Variants in SOX5 observed in about 807,000 individuals in gnomAD.
SOX5 encodes transcription factor SOX-5.
Under a neutral mutation model 92.0 loss-of-function variants are expected in SOX5, and 9 were observed. The ratio of observed to expected loss-of-function variants is 0.10; its 90% confidence interval spans 0.06 to 0.17. The LOEUF is 0.17. Ranked by LOEUF, SOX5 falls within the 10% of genes least tolerant of loss-of-function variation. The pLI is 1.00. For missense variants in SOX5, 642 were observed against 944.5 expected, an observed-to-expected ratio of 0.68 and a Z score of 4.20; for synonymous variants, 344 against 336.3, an observed-to-expected ratio of 1.02 and a Z score of -0.25.
At chr12:23,689,653 C>G (rs910492334) in intron 6 of SOX5, among the ~76,000 whole-genome samples, 1 of 152,090 alleles carries the variant, frequency 6.6e-6, no homozygotes, top group African/African-American at 2.4e-5. Context: ...CCCAAAAATA[C>G]ATGCCATATA....
At chr12:23,642,757 G>A (rs1250104660) in intron 7 of SOX5, among the ~76,000 whole-genome samples, 2 of 152,206 alleles carry the variant, frequency 1.3e-5, no homozygotes, top group Admixed American at 6.5e-5. Context: ...GTTGAGAGCT[G>A]TAATCAACTA....
chr12:23,968,177 G>T (rs1205967860), intron 4 of SOX5, among the ~76,000 whole-genome samples: 1 of 152,192 alleles, frequency 6.6e-6, no homozygotes, highest in Non-Finnish European at 1.5e-5. Context: ...TCAAAGGGAT[G>T]TCTGCATTTG....
chr12:23,664,597 A>T (rs762399581), intron 7 of SOX5, among the ~76,000 whole-genome samples: 3 of 152,084 alleles, frequency 2.0e-5, no homozygotes, highest in Non-Finnish European at 4.4e-5. Flanking sequence ...CAAATGATGT[A>T]TTTTTTCCTA....
In SOX5 at chr12:23,837,274, T is replaced by TATTTATATTTATATTTATATAATATATAA. The variant is rs1568204195; in HGVS notation, c.481+8708_481+8709insTTATATATTATATAAATATAAATATAAAT. On this transcript the variant is annotated intron_variant, in intron 3 of 14. Transcript: ENST00000451604. ...ATTTATATTTATATAATATATAATATGTATTTATATTTATATTTATATAAT... is the reference window on the plus strand; with the variant it reads ...ATTTATATTTATATAATATATAATATATTTATATTTATATTTATATAATATATAAGTATTTATATTTATATTTATATAAT... Among the ~76,000 whole-genome samples, 24 of 52,796 alleles carry TATTTATATTTATATTTATATAATATATAA rather than the reference T, an allele frequency of 4.5e-4. 2 individuals are homozygous for TATTTATATTTATATTTATATAATATATAA. Among genetic ancestry groups the TATTTATATTTATATTTATATAATATATAA allele is most frequent in the African/African-American group, 1.3e-3 (24 of 18,044 alleles). The allele number at this position is 52,796 out of a possible 152,430, so 34.6% of individuals were successfully genotyped here. A position where few individuals can be genotyped will look rare whatever the true frequency, so the allele number is the denominator to read the frequency against.
intron 3 of SOX5, among the ~76,000 whole-genome samples, chr12:23,843,182 G>C (rs1459695532): frequency 2.0e-5 from 3 of 150,242 alleles, no homozygotes; most frequent in Non-Finnish European, 4.5e-5. Flanking sequence ...TGAAAAACAA[G>C]GACATTCTGA....
At chr12:24,333,236 T>G (rs572025894) in intron 2 of SOX5, among the ~76,000 whole-genome samples, 62 of 150,042 alleles carry the variant, frequency 4.1e-4, no homozygotes, top group Non-Finnish European at 6.5e-4. Flanking sequence ...CTGGACAAAC[T>G]TACCAGCAAA....
At chr12:23,640,337 G>A (rs976437907) in intron 8 of SOX5, among the ~76,000 whole-genome samples, 4 of 152,078 alleles carry the variant, frequency 2.6e-5, no homozygotes, top group Non-Finnish European at 4.4e-5. Context: ...AGCTTATTTG[G>A]TCTACTTTTC....
intron 4 of SOX5, among the ~76,000 whole-genome samples, chr12:23,999,592 G>C (rs1409037289): frequency 6.6e-6 from 1 of 151,918 alleles, no homozygotes. Context: ...TTATTTGTCA[G>C]TTATACCTCA....
At chr12:24,146,588 A>G (rs892834074) in intron 4 of SOX5, among the ~76,000 whole-genome samples, 4 of 152,126 alleles carry the variant, frequency 2.6e-5, no homozygotes, top group Non-Finnish European at 5.9e-5. Flanking sequence ...GAGAGCAAAC[A>G]AAAGACAATG....
At position 23,895,826 on chromosome 12, in the gene SOX5, G is replaced by A; in HGVS notation, c.237C>T (p.Gly79=). ...TGTGCTGAGAAGTGGGAGTCCTATGGCCACAAGTCTCTTGCGTCAGCAGAG... is the reference window on the plus strand; with the variant it reads ...TGTGCTGAGAAGTGGGAGTCCTATGACCACAAGTCTCTTGCGTCAGCAGAG... The part of the protein sequence containing the change: ...PVSLLTQETC[G]HRTPTSQHNT... Residue 79 remains glycine, a synonymous_variant, in exon 2 of 15, where the codon GGC becomes GGT. Coordinates refer to ENST00000451604, the MANE Select transcript of SOX5 (RefSeq NM_006940.6). 1.9e-6 allele frequency: 3 copies of A among 1,613,838 alleles called. No individual in the cohort carries two copies. The highest frequency in any genetic ancestry group is 2.5e-6 in the Non-Finnish European group (3 of 1,179,730).
intron 3 of SOX5, among the ~76,000 whole-genome samples, chr12:24,252,457 T>C (rs1003848463): frequency 2.0e-5 from 3 of 151,946 alleles, no homozygotes; most frequent in Non-Finnish European, 4.4e-5. Context: ...AGATTCGCTT[T>C]GGTGAATTAA....
At chr12:23,621,640 A>G (rs1039283823) in intron 8 of SOX5, among the ~76,000 whole-genome samples, 1 of 152,136 alleles carries the variant, frequency 6.6e-6, no homozygotes, top group Non-Finnish European at 1.5e-5. Context: ...TCAAAGTAAA[A>G]GAAGGTTGGA....
chr12:24,347,063 A>G (rs1042549848), intron 2 of SOX5, among the ~76,000 whole-genome samples: 1 of 152,248 alleles, frequency 6.6e-6, no homozygotes, highest in Non-Finnish European at 1.5e-5. Context: ...GATGTTTGAT[A>G]AATACAGTCA....
chr12:23,677,555 G>A (rs1273944768), intron 6 of SOX5, among the ~76,000 whole-genome samples: 1 of 152,006 alleles, frequency 6.6e-6, no homozygotes. Flanking sequence ...CCGTATATGT[G>A]GAAACAACCC....
At chr12:23,767,648 A>C (rs535618019) in intron 3 of SOX5, among the ~76,000 whole-genome samples, 8 of 152,298 alleles carry the variant, frequency 5.3e-5, no homozygotes, top group African/African-American at 1.4e-4. Context: ...TCTTAAAACC[A>C]TCGGTGAGTA....
At chr12:23,667,675 G>A (rs1041288949) in intron 6 of SOX5, among the ~76,000 whole-genome samples, 4 of 152,146 alleles carry the variant, frequency 2.6e-5, no homozygotes, top group African/African-American at 4.8e-5. Flanking sequence ...CTAGTGAGGG[G>A]AAGTAGGAGA....
intron 1 of SOX5, among the ~76,000 whole-genome samples, chr12:24,400,843 C>A (rs1256603240): frequency 1.3e-5 from 2 of 152,170 alleles, no homozygotes; most frequent in Non-Finnish European, 2.9e-5. Flanking sequence ...AATATGTTAA[C>A]AAAGTCTAAT....
intron 7 of SOX5, among the ~76,000 whole-genome samples, chr12:23,646,270 T>C (rs1053829098): frequency 6.6e-6 from 1 of 151,998 alleles, no homozygotes; most frequent in African/African-American, 2.4e-5. Context: ...GACCTCCTGG[T>C]CTCAGGCAAT....
At chr12:24,534,118 G>A (rs1330612934) in intron 1 of SOX5, among the ~76,000 whole-genome samples, 1 of 152,102 alleles carries the variant, frequency 6.6e-6, no homozygotes, top group East Asian at 1.9e-4. Flanking sequence ...GAAATAAGCA[G>A]AAAAATTGGA....
Sources: allele counts gnomAD v4.1 joint callset (sites outside exome capture counted in the v4.1 genomes callset), GRCh38; gene constraint gnomAD v4.1.1; transcripts MANE v1.5; gene names NCBI Gene and HGNC (gene_info 2026-07-23, HGNC 2026-07-21).